AUTS2: variants seen among roughly 807,000 people sequenced by gnomAD.
AUTS2 encodes activator of transcription and developmental regulator AUTS2.
Under a neutral mutation model 112.4 loss-of-function variants are expected in AUTS2, and 17 were observed. The observed-to-expected ratio is 0.15, with a 90% CI of 0.10 to 0.23. AUTS2 has a LOEUF of 0.23. Ranked by LOEUF, AUTS2 falls within the 10% of genes least tolerant of loss-of-function variation. AUTS2 has a pLI of 1.00. For missense variants in AUTS2, 1,510 were observed against 1,701.6 expected, an observed-to-expected ratio of 0.89 and a Z score of 1.98; for synonymous variants, 751 against 702.7, an observed-to-expected ratio of 1.07 and a Z score of -1.09.
At chr7:69,920,983 G>A (rs1022235196) in intron 2 of AUTS2, among the ~76,000 whole-genome samples, 3 of 152,098 alleles carry the variant, frequency 2.0e-5, no homozygotes, top group Middle Eastern at 3.2e-3. Context: ...AATCTCCCTC[G>A]TGGTTTTTAT....
chr7:70,501,808 T>C (rs1321870380), intron 5 of AUTS2, among the ~76,000 whole-genome samples: 23 of 152,168 alleles, frequency 1.5e-4, no homozygotes, highest in Admixed American at 1.5e-3. Flanking sequence ...TACGTGATGC[T>C]CTTTTCATTT....
chr7:70,002,193 T>A (rs1241243471), intron 2 of AUTS2, among the ~76,000 whole-genome samples: 1 of 152,082 alleles, frequency 6.6e-6, no homozygotes, highest in Non-Finnish European at 1.5e-5. Context: ...TAGCAAGAGG[T>A]CTGGGCCAAT....
At chr7:70,332,601 G>A (rs1790807462) in intron 4 of AUTS2, among the ~76,000 whole-genome samples, 1 of 152,132 alleles carries the variant, frequency 6.6e-6, no homozygotes, top group Non-Finnish European at 1.5e-5. Flanking sequence ...CATGGTACTG[G>A]TACCAAAACG....
chr7:70,641,361 A>G (rs539541542), intron 5 of AUTS2, among the ~76,000 whole-genome samples: 27 of 152,240 alleles, frequency 1.8e-4, no homozygotes, highest in African/African-American at 6.5e-4. Context: ...CATCCTGGCT[A>G]ACACGGTGAA....
intron 5 of AUTS2, among the ~76,000 whole-genome samples, chr7:70,440,145 C>T: frequency 6.6e-6 from 1 of 150,868 alleles, no homozygotes; most frequent in African/African-American, 2.4e-5. Context: ...CTTAGGGAGG[C>T]CAAGGCAGGA....
intron 1 of AUTS2, among the ~76,000 whole-genome samples, chr7:69,723,166 G>T (rs1009397616): frequency 6.6e-6 from 1 of 152,062 alleles, no homozygotes; most frequent in Non-Finnish European, 1.5e-5. Context: ...ACAGCAGCCA[G>T]TGTAGGACTC....
At chr7:69,798,037 A>T (rs1789924238) in intron 1 of AUTS2, among the ~76,000 whole-genome samples, 2 of 151,824 alleles carry the variant, frequency 1.3e-5, no homozygotes, top group East Asian at 1.9e-4. Flanking sequence ...TTTTTAATCC[A>T]TGAAATGTGG....
chr7:70,314,157 T>C (rs1034833267), intron 4 of AUTS2, among the ~76,000 whole-genome samples: 1 of 152,162 alleles, frequency 6.6e-6, no homozygotes, highest in African/African-American at 2.4e-5. Context: ...TTTCCTTCCG[T>C]GCATGTTGTC....
At chr7:70,104,063 C>T (rs1804639720) in intron 2 of AUTS2, among the ~76,000 whole-genome samples, 1 of 151,014 alleles carries the variant, frequency 6.6e-6, no homozygotes, top group East Asian at 1.9e-4. Context: ...CCCACTTGTC[C>T]TTTACTGTCC....
intron 4 of AUTS2, among the ~76,000 whole-genome samples, chr7:70,147,983 A>G (rs12698859): frequency 0.21 from 32,440 of 151,910 alleles, 3,398 homozygotes; most frequent in Middle Eastern, 0.32. Flanking sequence ...CTTTCCATCT[A>G]TGTGGCTGGA....
intron 5 of AUTS2, among the ~76,000 whole-genome samples, chr7:70,459,731 A>G (rs1562968371): frequency 6.6e-6 from 1 of 152,144 alleles, no homozygotes. Flanking sequence ...TTGCAGCTCA[A>G]AGGGGATGGG....
chr7:70,725,410 T>G (rs1786968287), intron 6 of AUTS2, among the ~76,000 whole-genome samples: 1 of 152,196 alleles, frequency 6.6e-6, no homozygotes, highest in African/African-American at 2.4e-5. Context: ...TTAATCCTTT[T>G]TAATAAGGGC....
At chr7:69,852,533 A>G (rs376698515) in intron 1 of AUTS2, among the ~76,000 whole-genome samples, 6 of 151,762 alleles carry the variant, frequency 4.0e-5, no homozygotes, top group South Asian at 2.1e-4. Flanking sequence ...GCTCACTGCA[A>G]CCTCCGCCTC....
At chr7:70,431,880 A>G (rs1795685647) in intron 4 of AUTS2, among the ~76,000 whole-genome samples, 1 of 152,232 alleles carries the variant, frequency 6.6e-6, no homozygotes, top group African/African-American at 2.4e-5. Flanking sequence ...TTTAGGAACT[A>G]GTCCCTTTCT....
intron 5 of AUTS2, among the ~76,000 whole-genome samples, chr7:70,646,124 C>T (rs566902648): frequency 2.0e-5 from 3 of 152,284 alleles, no homozygotes; most frequent in African/African-American, 4.8e-5. Flanking sequence ...TAAAATGCAT[C>T]GACAGACCTA....
rs553427146 is a variant in AUTS2, at chr7:69,753,158, A to T, written c.310-146128A>T. The stretch of plus-strand genomic sequence containing the variant: ...GCAGTTGGAAAACTTAAATGTGATC[A>T]TGTATGTGAGAATGTGAAGTGCAGT... On this transcript the variant is annotated intron_variant, in intron 1 of 18. Transcript: ENST00000342771. Among the ~76,000 whole-genome samples the T allele has an allele frequency of 3.3e-5, 5 of 152,250 alleles. No individual in the cohort carries two copies. The South Asian group carries it at 1.0e-3, about 32-fold the overall frequency.
At chr7:70,046,693 T>A (rs1268428728) in intron 2 of AUTS2, among the ~76,000 whole-genome samples, 2 of 152,324 alleles carry the variant, frequency 1.3e-5, no homozygotes, top group Middle Eastern at 6.8e-3. Flanking sequence ...ATTAAACCAA[T>A]TTTCTACCTG....
chr7:70,575,263 C>G (rs1391105185), intron 5 of AUTS2, among the ~76,000 whole-genome samples: 2 of 152,178 alleles, frequency 1.3e-5, no homozygotes, highest in African/African-American at 4.8e-5. Flanking sequence ...CCAATGTCCA[C>G]TCGTTTCTGT....
chr7:70,489,090 G>A (rs553527253), intron 5 of AUTS2, among the ~76,000 whole-genome samples: 2 of 152,128 alleles, frequency 1.3e-5, no homozygotes, highest in Admixed American at 6.5e-5. Flanking sequence ...TGAATTTGAG[G>A]AAACCAACAA....
Sources: gnomAD v4.1 joint callset for allele counts (sites outside exome capture counted in the v4.1 genomes callset) on GRCh38, gnomAD v4.1.1 for gene constraint, MANE v1.5 for transcripts, NCBI Gene and HGNC (gene_info 2026-07-23, HGNC 2026-07-21) for gene names.